The following BPHL variants were observed in gnomAD, a reference collection of about 807,000 sequenced individuals.
BPHL encodes serine hydrolase BPHL.
In BPHL, 27 loss-of-function variants were observed where a neutral mutation model predicts 31.2. The observed-to-expected ratio is 0.87, with a 90% CI of 0.64 to 1.19. BPHL has a LOEUF of 1.19. Among genes scored for constraint, BPHL ranks in the 50% most tolerant of loss-of-function variants. The pLI is 0.00. For synonymous variants in BPHL, 150 were observed against 146.8 expected, an observed-to-expected ratio of 1.02 and a Z score of -0.16; for missense variants, 356 against 375.7, an observed-to-expected ratio of 0.95 and a Z score of 0.43.
rs13206421 is a variant in BPHL at position 3,149,037 on chromosome 6, G to A, written c.789-3451G>A. On this transcript the variant is annotated intron_variant, in intron 6 of 6. Coordinates refer to ENST00000380379, the MANE Select transcript of BPHL (RefSeq NM_004332.4). This position sits in a 1 kb window ranked among gnomAD's most constrained non-coding sequence, Gnocchi z 4.6. ...CATTTATTAAGCTTACCACGTACCCGCAGACCCTATGCTGCATACGTTGAA... is the reference window on the plus strand; with the variant it reads ...CATTTATTAAGCTTACCACGTACCCACAGACCCTATGCTGCATACGTTGAA... Among the ~76,000 whole-genome samples, 12,169 of 152,176 alleles carry A rather than the reference G, an allele frequency of 0.08. 677 individuals carry two copies. The highest frequency in any genetic ancestry group is 0.15 in the African/African-American group (6,230 of 41,490).
intron 4 of BPHL, among the ~76,000 whole-genome samples, chr6:3,134,438 CT>C (rs554446648): frequency 2.7e-3 from 358 of 132,554 alleles, no homozygotes; most frequent in South Asian, 4.1e-3. Context: ...CTTTTCTTTC[CT>C]TTTTTTTTTT....
intron 6 of BPHL, among the ~76,000 whole-genome samples, chr6:3,151,123 GATTCC>G (rs1762511529): frequency 6.6e-6 from 1 of 152,182 alleles, no homozygotes; most frequent in Non-Finnish European, 1.5e-5. Context: ...GCAGGCTGGG[GATTCC>G]CTGCCTCCCA....
intron 1 of BPHL, among the ~76,000 whole-genome samples, chr6:3,122,057 A>G (rs1189132284): frequency 6.6e-6 from 1 of 152,194 alleles, no homozygotes; most frequent in African/African-American, 2.4e-5. Flanking sequence ...AGGCAGGCAG[A>G]TCACGAGGTC....
intron 4 of BPHL, among the ~76,000 whole-genome samples, chr6:3,129,405 TC>T (rs1229617093): frequency 2.0e-5 from 3 of 152,260 alleles, no homozygotes; most frequent in Non-Finnish European, 4.4e-5. Context: ...GAGTGAAACT[TC>T]CATGGCTCAG....
chr6:3,144,369 C>CT (rs1762263415), intron 6 of BPHL, among the ~76,000 whole-genome samples: 1 of 97,282 alleles, frequency 1.0e-5, no homozygotes, highest in African/African-American at 4.4e-5. Flanking sequence ...ACTTGGCCTT[C>CT]TTCTTTTTTT....
chr6:3,143,561 T>TA (rs1236900570), intron 6 of BPHL, among the ~76,000 whole-genome samples: 1 of 152,250 alleles, frequency 6.6e-6, no homozygotes, highest in Admixed American at 6.5e-5. Flanking sequence ...CAGTCTGAGA[T>TA]ACGAAACACA....
upstream of BPHL, chr6:3,118,384 G>T (rs1055763381): frequency 1.9e-5 from 4 of 205,570 alleles, no homozygotes; most frequent in African/African-American, 4.6e-5. Flanking sequence ...CCGACGCAGC[G>T]AGGGCGCTAT....
At chr6:3,127,015 C>T (rs1173954164) in intron 2 of BPHL, 5 of 355,152 alleles carry the variant, frequency 1.4e-5, no homozygotes, top group Non-Finnish European at 1.0e-5. Flanking sequence ...AGGCAGTCCG[C>T]CCGCCTCGGC....
chr6:3,144,891 G>A (rs78325842), intron 6 of BPHL, among the ~76,000 whole-genome samples: 1 of 152,206 alleles, frequency 6.6e-6, no homozygotes, highest in African/African-American at 2.4e-5. Context: ...GACCAGCCGC[G>A]TATTCTGAGC....
chr6:3,118,733 C>T lies in BPHL; in HGVS notation c.-8C>T, dbSNP rs1231447516. On this transcript the variant is annotated 5_prime_UTR_variant, in exon 1 of 7. Coordinates refer to ENST00000380379, the MANE Select transcript of BPHL (RefSeq NM_004332.4). ...TGCGCACTCCCGGCAGCTACGCGAC[C>T]TGTGACCATGGTGGCTGTGCTGGGC... is the stretch of plus-strand genomic sequence containing the variant. 4.8e-6 allele frequency: 6 copies of T among 1,260,706 alleles called. No homozygotes were observed. The Admixed American group carries it at 1.3e-4, about 26-fold the overall frequency. The allele number at this position is 1,260,706 out of a possible 1,614,324, so 78.1% of individuals were successfully genotyped here. A position where few individuals can be genotyped will look rare whatever the true frequency, so the allele number is the denominator to read the frequency against.
At chr6:3,126,947 T>G in intron 2 of BPHL, 2 of 206,448 alleles carry the variant, frequency 9.7e-6, no homozygotes, top group Non-Finnish European at 9.4e-6. Context: ...TTTTTTTGTA[T>G]TTTAGTAGAG....
chr6:3,124,115 A>G (rs1761653749), intron 2 of BPHL: 1 of 156,056 alleles, frequency 6.4e-6, no homozygotes, highest in Admixed American at 6.5e-5. Context: ...GCGTTGGGGG[A>G]TTTTCCAGGA....
intron 4 of BPHL, among the ~76,000 whole-genome samples, chr6:3,130,525 CCACTAG>C (rs1338486681): frequency 6.6e-6 from 1 of 152,146 alleles, no homozygotes; most frequent in Non-Finnish European, 1.5e-5. Flanking sequence ...CTTCCTCAGG[CCACTAG>C]CTTTTTGTCC....
In BPHL at chr6:3,149,669, A is replaced by G. The variant is rs1200551434; in HGVS notation, c.789-2819A>G. On this transcript the variant is annotated intron_variant, in intron 6 of 6. Transcript: ENST00000380379. This position sits in a 1 kb window ranked among gnomAD's most constrained non-coding sequence, Gnocchi z 4.6. ...TTGTTGTGAGATAGAGCCTTGCTCTATTGCCCGGGCTGGAGTGCAGTGGCG... is the reference window on the plus strand; with the variant it reads ...TTGTTGTGAGATAGAGCCTTGCTCTGTTGCCCGGGCTGGAGTGCAGTGGCG... 6.6e-6 allele frequency among the ~76,000 whole-genome samples: 1 copy of G among 152,080 alleles called. No homozygotes were observed. The highest frequency in any genetic ancestry group is 6.5e-5 in the Admixed American group (1 of 15,270).
intron 4 of BPHL, among the ~76,000 whole-genome samples, chr6:3,133,169 G>A (rs1314117770): frequency 1.3e-5 from 2 of 152,160 alleles, no homozygotes; most frequent in East Asian, 1.9e-4. Flanking sequence ...AAAAACGGGG[G>A]CTCACAAAAG....
intron 6 of BPHL, among the ~76,000 whole-genome samples, chr6:3,152,038 A>G (rs775311929): frequency 1.5e-4 from 23 of 152,206 alleles, no homozygotes; most frequent in Admixed American, 3.9e-4. Flanking sequence ...GCACTTGCCC[A>G]CTACATCAAC....
intron 1 of BPHL, 73 bp downstream of exon 1, chr6:3,118,920 C>A: frequency 3.4e-6 from 4 of 1,163,974 alleles, no homozygotes; most frequent in South Asian, 4.2e-5. Flanking sequence ...GGGCGCGTGC[C>A]GACAGCAGGA....
At chr6:3,141,038 G>A (rs1455280112) in intron 6 of BPHL, among the ~76,000 whole-genome samples, 5 of 152,088 alleles carry the variant, frequency 3.3e-5, no homozygotes, top group African/African-American at 9.7e-5. Context: ...CTCCCTTCTC[G>A]CTCTGTTCTA....
chr6:3,132,187 TAG>T (rs1761891251), intron 4 of BPHL, among the ~76,000 whole-genome samples: 1 of 152,220 alleles, frequency 6.6e-6, no homozygotes, highest in Non-Finnish European at 1.5e-5. Flanking sequence ...GCCAGTGTGC[TAG>T]AGACCAAGCC....
Sources: gnomAD v4.1 joint callset for allele counts (sites outside exome capture counted in the v4.1 genomes callset) on GRCh38, gnomAD v4.1.1 for gene constraint, Gnocchi (gnomAD v3.1) non-coding constraint, MANE v1.5 for transcripts, NCBI Gene and HGNC (gene_info 2026-07-23, HGNC 2026-07-21) for gene names.